The following CDK12 variants were observed in gnomAD, a reference collection of about 807,000 sequenced individuals.
CDK12 encodes the protein cyclin-dependent kinase 12.
In CDK12, 17 loss-of-function variants were observed where a neutral mutation model predicts 133.8. The ratio of observed to expected loss-of-function variants is 0.13; its 90% CI spans 0.09 to 0.19. The LOEUF is 0.19. Among genes scored for constraint, CDK12 ranks in the 10% least tolerant of loss-of-function variants. The probability of loss-of-function intolerance (pLI) is 1.00; values close to 1 mark genes in which losing one functional copy is unlikely to be tolerated. For synonymous variants in CDK12, 694 were observed against 683.6 expected (o/e 1.02, Z -0.24); for missense variants, 1,508 against 1,818.7 (o/e 0.83, Z 3.11).
intron 13 of CDK12, 177 bp from the exon 14 acceptor site, chr17:39,530,427 T>G (rs2054758153): frequency 1.2e-6 from 1 of 834,902 alleles, no homozygotes; most frequent in Non-Finnish European, 1.7e-6. Flanking sequence ...GATGCAACTG[T>G]TTTACTTTTA....
chr17:39,477,660 C>T (rs568451277), intron 2 of CDK12, among the ~76,000 whole-genome samples: 71 of 151,584 alleles, frequency 4.7e-4, no homozygotes, highest in African/African-American at 1.5e-3. Context: ...GCAAGCTCCA[C>T]CTCCTGGGTC....
At chr17:39,464,601 A>C (rs908298344) in intron 1 of CDK12, among the ~76,000 whole-genome samples, 1 of 151,960 alleles carries the variant, frequency 6.6e-6, no homozygotes, top group Non-Finnish European at 1.5e-5. Flanking sequence ...GTGTGAGTAC[A>C]TCAAGCTGCA....
At chr17:39,565,716 G>A (rs1188580239), downstream of CDK12, among the ~76,000 whole-genome samples, 1 of 152,238 alleles carries the variant, frequency 6.6e-6, no homozygotes, top group Non-Finnish European at 1.5e-5. Context: ...TTACAGGCGT[G>A]AGCCACCGTG....
At position 39,534,275 on chromosome 17, in the gene CDK12, G is replaced by T. The variant is rs980544012; in HGVS notation, c.*2959G>T. On this transcript the variant is annotated 3_prime_UTR_variant, in exon 14 of 14. Transcript: ENST00000447079. ...ACATCACCCAACCACTTGTATGTGT[G>T]TGTGTATATATAATATGCATATATA... 1 of 232,968 alleles carries T rather than the reference G, an allele frequency of 4.3e-6. No homozygotes were observed. The highest frequency in any genetic ancestry group is 8.5e-6 in the Non-Finnish European group (1 of 117,812). 14.4% of individuals were successfully genotyped at this position (232,968 alleles called of 1,614,324 possible).
chr17:39,561,963 G>T (rs930707076), intron 3 of CDK12, among the ~76,000 whole-genome samples: 2 of 152,006 alleles, frequency 1.3e-5, no homozygotes, highest in African/African-American at 4.8e-5. Context: ...TTTTTGAGAT[G>T]GAGTCTTGCC....
chr17:39,485,340 C>T (rs1276812579), intron 2 of CDK12, among the ~76,000 whole-genome samples: 1 of 150,156 alleles, frequency 6.7e-6, no homozygotes, highest in African/African-American at 2.4e-5. Context: ...GATCCCAGCA[C>T]TTTAGGAGGC....
chr17:39,474,652 C>G (rs970742821), intron 2 of CDK12, among the ~76,000 whole-genome samples: 1 of 151,764 alleles, frequency 6.6e-6, no homozygotes, highest in African/African-American at 2.4e-5. Flanking sequence ...TTGCAGCCCT[C>G]TGGGTGAGAA....
intron 6 of CDK12, among the ~76,000 whole-genome samples, chr17:39,504,705 TCTGTCTCTACTAAAAGTACAAA>T (rs1360863245): frequency 6.6e-6 from 1 of 150,602 alleles, no homozygotes; most frequent in Admixed American, 6.6e-5. Context: ...ATAGCAAAAT[TCTGTCTCTACTAAAAGTACAAA>T]AATTAGCTGA....
chr17:39,482,263 C>T (rs560113967), intron 2 of CDK12, among the ~76,000 whole-genome samples: 5 of 152,060 alleles, frequency 3.3e-5, no homozygotes, highest in African/African-American at 9.6e-5. Flanking sequence ...CCACCCGCCT[C>T]GGCCTCTCAG....
intron 2 of CDK12, among the ~76,000 whole-genome samples, chr17:39,480,105 G>A (rs1372203791): frequency 6.6e-6 from 1 of 151,844 alleles, no homozygotes; most frequent in Non-Finnish European, 1.5e-5. Context: ...TATATTTTTA[G>A]TAGAGACGGG....
chr17:39,503,176 G>A (rs1218987202), intron 6 of CDK12, among the ~76,000 whole-genome samples: 3 of 152,138 alleles, frequency 2.0e-5, no homozygotes, highest in Admixed American at 6.6e-5. Context: ...GGGTTCAAGC[G>A]ATGCTCCTGC....
At position 39,524,795 on chromosome 17, in the gene CDK12, G is replaced by C. The variant is rs2146689185; in HGVS notation, c.3217G>C (p.Gly1073Arg). Residue 1073 changes from glycine to arginine, a missense_variant, in exon 12 of 14, where the codon GGG becomes CGG. Coordinates refer to ENST00000447079, the MANE Select transcript of CDK12 (RefSeq NM_016507.4). ...SKTSRKETTSGTSTEPVKNSS... is the reference protein window; with the variant it reads ...SKTSRKETTSRTSTEPVKNSS... ...AACTTCTCGAAAAGAAACTACCTCA[G>C]GGACAAGTACTGAGCCTGTGAAGAA... 6.2e-7 allele frequency: 1 copy of C among 1,614,232 alleles called. No homozygotes were observed. The highest frequency in any genetic ancestry group is 8.5e-7 in the Non-Finnish European group (1 of 1,180,046).
intron 2 of CDK12, among the ~76,000 whole-genome samples, chr17:39,484,952 C>T (rs992774086): frequency 1.3e-5 from 2 of 151,902 alleles, no homozygotes; most frequent in Non-Finnish European, 2.9e-5. Context: ...GGGCGGATCA[C>T]GAGGTCAGGA....
At chr17:39,530,495 A>G in intron 13 of CDK12, 109 bp from the exon 14 acceptor site, 1 of 1,427,756 alleles carries the variant, frequency 7.0e-7, no homozygotes, top group Non-Finnish European at 9.3e-7. Flanking sequence ...TTCTTTATAT[A>G]TCTGGTTACT....
intron 2 of CDK12, among the ~76,000 whole-genome samples, chr17:39,484,170 T>TTTAAA (rs1426137127): frequency 6.6e-6 from 1 of 152,138 alleles, no homozygotes; most frequent in African/African-American, 2.4e-5. Context: ...TAACAGTATT[T>TTTAAA]TTATTAGAAG....
At chr17:39,480,194 G>C in intron 2 of CDK12, among the ~76,000 whole-genome samples, 1 of 151,810 alleles carries the variant, frequency 6.6e-6, no homozygotes, top group African/African-American at 2.4e-5. Flanking sequence ...AAAGTGCTGG[G>C]ATATAGGCGC....
chr17:39,545,779 A>ATTTTTTTTTCCTTCCTTACTTCCT (rs1567809939), upstream of CDK12, among the ~76,000 whole-genome samples: 65 of 132,504 alleles, frequency 4.9e-4, no homozygotes, highest in African/African-American at 1.7e-3. Context: ...GGATTACAGG[A>ATTTTTTTTTCCTTCCTTACTTCCT]TTTTTTTTTC....
intron 4 of CDK12, 40 bp downstream of exon 4, chr17:39,492,930 C>T (rs1458201619): frequency 1.3e-6 from 2 of 1,512,852 alleles, no homozygotes; most frequent in Admixed American, 2.0e-5. Context: ...AGAATGTTAA[C>T]AATTTAGCAA....
In CDK12 at chr17:39,531,066, T is replaced by C; in HGVS notation, c.4223T>C (p.Val1408Ala). 6.2e-7 allele frequency: 1 copy of C among 1,610,466 alleles called. No homozygotes were observed. Among genetic ancestry groups the C allele is most frequent in the Non-Finnish European group, 8.5e-7 (1 of 1,178,686 alleles). The change falls in exon 14 of 14, where the codon GTC becomes GCC. Residue 1408 changes from valine to alanine, a missense_variant. Transcript: ENST00000447079. ...GACCAGGACCTCCGTTTTGCCAGGGTCCCCTTAGCGTTACACCCGGTGGTC... is the reference window on the plus strand; with the variant it reads ...GACCAGGACCTCCGTTTTGCCAGGGCCCCCTTAGCGTTACACCCGGTGGTC... Reference protein sequence around the residue: ...PGDQDLRFARVPLALHPVVGQ... With the variant: ...PGDQDLRFARAPLALHPVVGQ...
Sources: gnomAD v4.1 joint callset for allele counts (sites outside exome capture counted in the v4.1 genomes callset) on GRCh38, gnomAD v4.1.1 for gene constraint, MANE v1.5 for transcripts, NCBI Gene and HGNC (gene_info 2026-07-23, HGNC 2026-07-21) for gene names.